PCDHGB3: variants seen among roughly 807,000 people sequenced by gnomAD.
PCDHGB3 encodes the protein protocadherin gamma subfamily B, 3, also known as protocadherin gamma-B3.
Under a neutral mutation model 59.2 loss-of-function variants are expected in PCDHGB3, and 40 were observed. That is an observed-to-expected ratio of 0.68 (90% CI 0.52 to 0.88). The LOEUF (loss-of-function observed/expected upper bound fraction) is 0.88. Among genes scored for constraint, PCDHGB3 ranks in the 40% least tolerant of loss-of-function variants. PCDHGB3 has a pLI of 0.00. For missense variants in PCDHGB3, 1,309 were observed against 1,187.9 expected (o/e 1.10, Z -1.50); for synonymous variants, 581 against 503.6 (o/e 1.15, Z -2.06).
intron 1 of PCDHGB3, chr5:141,382,987 C>G: frequency 6.2e-7 from 1 of 1,613,278 alleles, no homozygotes; most frequent in Non-Finnish European, 8.5e-7. Context: ...CTGGGCAGGA[C>G]GTATTCTCTA....
chr5:141,415,740 G>GTTTTTTTTTTT (rs57426385), intron 1 of PCDHGB3: 102 of 625,036 alleles, frequency 1.6e-4, no homozygotes, highest in Admixed American at 2.1e-4. Context: ...GTTTATTAAG[G>GTTTTTTTTTTT]TTTTTTTTTT....
chr5:141,471,646 G>C (rs935284198), intron 1 of PCDHGB3: 1 of 152,108 alleles, frequency 6.6e-6, no homozygotes, highest in Non-Finnish European at 1.5e-5. Flanking sequence ...GTAATATACT[G>C]GATGTGGGGA....
intron 1 of PCDHGB3, chr5:141,409,175 G>A: frequency 5.0e-6 from 8 of 1,614,008 alleles, no homozygotes; most frequent in Non-Finnish European, 6.8e-6. Flanking sequence ...GAAGGACGGA[G>A]GTGGTCTCTC....
Position 141,511,285 on chromosome 5 carries a change from G to C in PCDHGB3, c.*112G>C. On this transcript the variant is annotated 3_prime_UTR_variant, in exon 4 of 4. Coordinates refer to ENST00000576222, the MANE Select transcript of PCDHGB3 (RefSeq NM_018924.5). Reference sequence around the variant, plus strand: ...GGGCTAACCCCCAGAATACTGGTAGGGGCCAAGGCCATGCTCCCCTTGGGA... The same window carrying C: ...GGGCTAACCCCCAGAATACTGGTAGCGGCCAAGGCCATGCTCCCCTTGGGA... 1 of 1,521,904 alleles carries C rather than the reference G, an allele frequency of 6.6e-7. No homozygotes were observed. The highest frequency in any genetic ancestry group is 8.8e-7 in the Non-Finnish European group (1 of 1,131,664). 94.3% of individuals were successfully genotyped at this position (1,521,904 alleles called of 1,614,324 possible).
At chr5:141,435,435 T>G (rs2097763289) in intron 1 of PCDHGB3, among the ~76,000 whole-genome samples, 1 of 152,212 alleles carries the variant, frequency 6.6e-6, no homozygotes. Context: ...TGTTATGCAT[T>G]TCATTAATAC....
intron 1 of PCDHGB3, chr5:141,404,048 ATTC>A (rs1247713760): frequency 1.9e-6 from 3 of 1,613,866 alleles, no homozygotes; most frequent in South Asian, 1.1e-5. Flanking sequence ...GGGAACAGTA[ATTC>A]TTCTTTTCAA....
At chr5:141,423,444 A>C (rs1340932902) in intron 1 of PCDHGB3, 1 of 1,614,050 alleles carries the variant, frequency 6.2e-7, no homozygotes. Flanking sequence ...TGCCCACGTC[A>C]CATTTTGTAG....
At chr5:141,419,543 G>T (rs573594140) in intron 1 of PCDHGB3, 1 of 1,612,106 alleles carries the variant, frequency 6.2e-7, no homozygotes, top group East Asian at 2.2e-5. Flanking sequence ...CGCACCGCGG[G>T]TGCTGTACCC....
rs1457243337 is a variant in PCDHGB3 at position 141,493,567 on chromosome 5, C to T, written c.2416-1240C>T. Reference sequence around the variant, plus strand: ...TTTGGAGATTGAGTTCCCCCAGCTCCGTTTCCTCCTATCACAATCACTGCA... The same window carrying T: ...TTTGGAGATTGAGTTCCCCCAGCTCTGTTTCCTCCTATCACAATCACTGCA... On this transcript the variant is annotated intron_variant, in intron 1 of 3. Transcript: ENST00000576222. This position sits in a 1 kb window ranked among gnomAD's most constrained non-coding sequence, Gnocchi z 4.3. Among the ~76,000 whole-genome samples, 3 of 152,266 alleles carry T rather than the reference C, an allele frequency of 2.0e-5. No individual in the cohort carries two copies. The highest frequency in any genetic ancestry group is 4.4e-5 in the Non-Finnish European group (3 of 68,018).
Position 141,512,910 on chromosome 5 carries a change from T to C in PCDHGB3, c.*1737T>C, listed in dbSNP as rs2099884499. On this transcript the variant is annotated 3_prime_UTR_variant, in exon 4 of 4. Transcript: ENST00000576222. Reference sequence around the variant, plus strand: ...CTCTTCCTGTGTCTCACGCAAGTTTTATACTCTAATATTTATATGGCTTTT... The same window carrying C: ...CTCTTCCTGTGTCTCACGCAAGTTTCATACTCTAATATTTATATGGCTTTT... 1 of 152,274 alleles carries C rather than the reference T, an allele frequency of 6.6e-6. No homozygotes were observed. The highest frequency in any genetic ancestry group is 2.1e-4 in the South Asian group (1 of 4,836). 9.4% of individuals were successfully genotyped at this position (152,274 alleles called of 1,614,324 possible). A position where few individuals can be genotyped will look rare whatever the true frequency, so the allele number is the denominator to read the frequency against.
At position 141,489,503 on chromosome 5, in the gene PCDHGB3, A is replaced by T; in HGVS notation, c.2416-5304A>T. 1 of 1,614,092 alleles carries T rather than the reference A, an allele frequency of 6.2e-7. No homozygotes were observed. ...ATGAGTGGTGCCCTGGCAGTGAATC[A>T]AAAGATTGACCGAGAAAGCCTATGT... is the stretch of plus-strand genomic sequence containing the variant. On this transcript the variant is annotated intron_variant, in intron 1 of 3. Transcript: ENST00000576222. The surrounding 1 kb of genome is among the most constrained non-coding windows in gnomAD (Gnocchi z 4.5).
intron 1 of PCDHGB3, chr5:141,404,432 GATACC>G: frequency 6.2e-7 from 1 of 1,613,380 alleles, no homozygotes; most frequent in African/African-American, 1.3e-5. Context: ...CTTGGCAGAG[GATACC>G]ATCCAAGGGT....
At chr5:141,447,884 G>A (rs1324802340) in intron 1 of PCDHGB3, among the ~76,000 whole-genome samples, 1 of 152,024 alleles carries the variant, frequency 6.6e-6, no homozygotes, top group Non-Finnish European at 1.5e-5. Context: ...TCAGGAGTTC[G>A]AGACCAGCCT....
intron 1 of PCDHGB3, chr5:141,374,477 C>T (rs376389009): frequency 7.4e-6 from 12 of 1,611,808 alleles, no homozygotes; most frequent in Non-Finnish European, 9.3e-6. Context: ...CAATACACCC[C>T]GATTCTTAAA....
chr5:141,494,801 C>T lies in PCDHGB3; in HGVS notation c.2416-6C>T, dbSNP rs2099757031. ...CTCAGCCCCTTTCCCTCTGTTTTCTCCACAGCAAGCCCCGCCCAACACGGA... is the reference window on the plus strand; with the variant it reads ...CTCAGCCCCTTTCCCTCTGTTTTCTTCACAGCAAGCCCCGCCCAACACGGA... On this transcript the variant is annotated splice_polypyrimidine_tract_variant and splice_region_variant and intron_variant, in intron 1 of 3. Transcript: ENST00000576222. The T allele has an allele frequency of 6.2e-7, 1 of 1,614,146 alleles. No individual in the cohort carries two copies. The highest frequency in any genetic ancestry group is 2.2e-5 in the East Asian group (1 of 44,880).
At position 141,432,871 on chromosome 5, in the gene PCDHGB3, C is replaced by T. The variant is rs1190891661; in HGVS notation, c.2415+60062C>T. On this transcript the variant is annotated intron_variant, in intron 1 of 3. Transcript: ENST00000576222. This position sits in a 1 kb window ranked among gnomAD's most constrained non-coding sequence, Gnocchi z 6.0. ...CGGTGGCCGCGGTCTCCTGCGTCTT[C>T]CTGGCCTTCGTCATCTTGCTGCTGG... 1 of 1,614,216 alleles carries T rather than the reference C, an allele frequency of 6.2e-7. No homozygotes were observed. Among genetic ancestry groups the T allele is most frequent in the Non-Finnish European group, 8.5e-7 (1 of 1,180,018 alleles).
rs36031641 is a variant in PCDHGB3 at position 141,434,771 on chromosome 5, T to TA, written c.2416-60023dup. ...CCCCTGATTCCCCACTTCACACTTCTAAAAAAAAAAAAATTTTTTTTTCTG... is the reference window on the plus strand; with the variant it reads ...CCCCTGATTCCCCACTTCACACTTCTAAAAAAAAAAAAAATTTTTTTTTCTG... On this transcript the variant is annotated intron_variant, in intron 1 of 3. Coordinates refer to ENST00000576222, the MANE Select transcript of PCDHGB3 (RefSeq NM_018924.5). Among the ~76,000 whole-genome samples, 71 of 145,288 alleles carry TA rather than the reference T, an allele frequency of 4.9e-4. 1 individual carries two copies. The highest frequency in any genetic ancestry group is 3.6e-3 in the Middle Eastern group (1 of 278).
At position 141,447,418 on chromosome 5, in the gene PCDHGB3, G is replaced by A. The variant is rs113957183; in HGVS notation, c.2416-47389G>A. On this transcript the variant is annotated intron_variant, in intron 1 of 3. Transcript: ENST00000576222. ...CTCCCAAAGTGCTGGGATTACAGGC[G>A]TGAGCCACCGCACCCGGAGGAAATT... Among the ~76,000 whole-genome samples, 1,263 of 152,230 alleles carry A rather than the reference G, an allele frequency of 8.3e-3. 17 individuals carry two copies. The highest frequency in any genetic ancestry group is 0.029 in the African/African-American group (1,197 of 41,538).
intron 1 of PCDHGB3, chr5:141,419,490 C>G (rs2096390495): frequency 8.1e-6 from 13 of 1,612,414 alleles, no homozygotes; most frequent in Non-Finnish European, 1.1e-5. Context: ...GCGCTCAGCG[C>G]CAATGTGAGC....
Sources: gnomAD v4.1 joint callset for allele counts (sites outside exome capture counted in the v4.1 genomes callset) on GRCh38, gnomAD v4.1.1 for gene constraint, Gnocchi (gnomAD v3.1) non-coding constraint, MANE v1.5 for transcripts, NCBI Gene and HGNC (gene_info 2026-07-23, HGNC 2026-07-21) for gene names.